C5orf63: variants seen among roughly 807,000 people sequenced by gnomAD.
C5orf63 encodes the protein chromosome 5 open reading frame 63.
C5orf63 carries 18 observed loss-of-function variants against 13.3 expected under a neutral mutation model. The ratio of observed to expected loss-of-function variants is 1.36; its 90% CI spans 0.94 to 2.01. The LOEUF (loss-of-function observed/expected upper bound fraction) is 2.01. Among genes scored for constraint, C5orf63 ranks in the 30% most tolerant of loss-of-function variants. The pLI, the probability that C5orf63 is intolerant of heterozygous loss-of-function variation, is 0.00. For synonymous variants in C5orf63, 38 were observed against 44.7 expected, an observed-to-expected ratio of 0.85 and a Z score of 0.60; for missense variants, 118 against 127.7, an observed-to-expected ratio of 0.92 and a Z score of 0.36.
chr5:127,066,398 A>T (rs1163378625), intron 2 of C5orf63, among the ~76,000 whole-genome samples: 2 of 152,154 alleles, frequency 1.3e-5, no homozygotes, highest in Non-Finnish European at 2.9e-5. Context: ...GTAGAAGGCT[A>T]CTGCATTAGT....
chr5:127,060,888 T>C (rs368263992), intron 2 of C5orf63, among the ~76,000 whole-genome samples: 2 of 152,208 alleles, frequency 1.3e-5, no homozygotes, highest in African/African-American at 4.8e-5. Context: ...TCAAAAATTA[T>C]TTATGTCCCC....
chr5:127,063,059 A>G (rs1049398904), intron 2 of C5orf63, among the ~76,000 whole-genome samples: 1 of 152,142 alleles, frequency 6.6e-6, no homozygotes, highest in African/African-American at 2.4e-5. Flanking sequence ...TGCTTAAAAC[A>G]AATTCCACAG....
At chr5:127,048,392 C>G (rs1211029967), downstream of C5orf63, among the ~76,000 whole-genome samples, 1 of 152,098 alleles carries the variant, frequency 6.6e-6, no homozygotes, top group African/African-American at 2.4e-5. Flanking sequence ...CCTGATTTCC[C>G]AGGAGAGTTA....
chr5:127,063,221 G>A (rs1399003192), intron 2 of C5orf63, among the ~76,000 whole-genome samples: 4 of 152,152 alleles, frequency 2.6e-5, no homozygotes, highest in African/African-American at 9.7e-5. Flanking sequence ...CAACATGGGA[G>A]CAGGACTGAC....
At chr5:127,067,783 A>T (rs1220105686) in intron 2 of C5orf63, among the ~76,000 whole-genome samples, 1 of 152,214 alleles carries the variant, frequency 6.6e-6, no homozygotes, top group Non-Finnish European at 1.5e-5. Context: ...GTCAAAAAAG[A>T]AGCCGCCTAG....
chr5:127,070,733 T>C (rs954835559), intron 2 of C5orf63, among the ~76,000 whole-genome samples: 2 of 152,180 alleles, frequency 1.3e-5, no homozygotes, highest in African/African-American at 4.8e-5. Flanking sequence ...ACTCTTCAAA[T>C]ATTTGCTAAA....
chr5:127,071,780 G>T (rs927062937), intron 1 of C5orf63, 95 bp from the exon 2 acceptor site: 3 of 152,148 alleles, frequency 2.0e-5, no homozygotes, highest in Admixed American at 6.5e-5. Context: ...TGCTATGTTT[G>T]AAACCCCAAG....
intron 2 of C5orf63, among the ~76,000 whole-genome samples, chr5:127,067,125 A>G (rs1238317959): frequency 1.3e-5 from 2 of 152,178 alleles, no homozygotes; most frequent in Non-Finnish European, 2.9e-5. Context: ...ATCTTAACTA[A>G]AAGGAGATCT....
chr5:127,071,792 C>T (rs1430147281), intron 1 of C5orf63, 107 bp from the exon 2 acceptor site: 1 of 152,118 alleles, frequency 6.6e-6, no homozygotes, highest in Non-Finnish European at 1.5e-5. Flanking sequence ...AACCCCAAGG[C>T]CTAGCATTAG....
chr5:127,050,437 GCTGGGACTATAGGCATGTACCACTGTA>G (rs1273996683), downstream of C5orf63, among the ~76,000 whole-genome samples: 1 of 151,928 alleles, frequency 6.6e-6, no homozygotes, highest in Non-Finnish European at 1.5e-5. Flanking sequence ...CTCTCAAGTA[GCTGGGACTATAGGCATGTACCACTGTA>G]CTCAGCTTAA....
chr5:127,047,500 G>A, downstream of C5orf63: 2 of 541,238 alleles, frequency 3.7e-6, no homozygotes, highest in Non-Finnish European at 6.5e-6. Context: ...AGGATTCCTA[G>A]TCACATGACC....
chr5:127,065,965 C>T (rs1754314756), intron 2 of C5orf63, among the ~76,000 whole-genome samples: 1 of 152,038 alleles, frequency 6.6e-6, no homozygotes, highest in South Asian at 2.1e-4. Flanking sequence ...TGTCAGGCCA[C>T]TTGAGATGGT....
chr5:127,047,117 G>A (rs1753536841), downstream of C5orf63: 1 of 152,622 alleles, frequency 6.6e-6, no homozygotes, highest in Non-Finnish European at 1.5e-5. Context: ...ATGTTATGAA[G>A]AGACATGTGG....
At chr5:127,068,167 G>T (rs1365360521) in intron 2 of C5orf63, among the ~76,000 whole-genome samples, 1 of 152,134 alleles carries the variant, frequency 6.6e-6, no homozygotes, top group Non-Finnish European at 1.5e-5. Context: ...AAGGAACTGT[G>T]CCTGGGGCTT....
downstream of C5orf63, among the ~76,000 whole-genome samples, chr5:127,049,493 C>T (rs1282169805): frequency 2.0e-5 from 3 of 152,200 alleles, no homozygotes; most frequent in Non-Finnish European, 4.4e-5. Context: ...CTACTTTTCC[C>T]ACCTGGTACC....
chr5:127,056,195 C>T (rs1448797692), intron 3 of C5orf63, among the ~76,000 whole-genome samples: 1 of 152,162 alleles, frequency 6.6e-6, no homozygotes, highest in Non-Finnish European at 1.5e-5. Context: ...ATCAGTGCAT[C>T]CTATCCCTCA....
Position 127,051,331 on chromosome 5 carries a change from C to T in C5orf63, c.*440G>A, listed in dbSNP as rs533488739. On this transcript the variant is annotated 3_prime_UTR_variant, in exon 5 of 5. Coordinates refer to ENST00000296662, the MANE Select transcript of C5orf63 (RefSeq NM_001164478.2). ...TTCCTTAAAACATCGCTTTATTGAC[C>T]GTGCACAGTTATTAACAATTCACAT... is the stretch of plus-strand genomic sequence containing the variant. 1.5e-5 allele frequency: 18 copies of T among 1,230,696 alleles called. No individual in the cohort carries two copies. The highest frequency in any genetic ancestry group is 9.3e-5 in the African/African-American group (6 of 64,480). 76.2% of individuals were successfully genotyped at this position (1,230,696 alleles called of 1,614,324 possible). A position where few individuals can be genotyped will look rare whatever the true frequency, so the allele number is the denominator to read the frequency against.
chr5:127,058,088 A>G (rs754694382), intron 3 of C5orf63, among the ~76,000 whole-genome samples: 1 of 152,012 alleles, frequency 6.6e-6, no homozygotes, highest in Non-Finnish European at 1.5e-5. Context: ...GTACATGTGC[A>G]GCTTTGTCAC....
In C5orf63 at chr5:127,051,731, CT is replaced by C; in HGVS notation, c.*39del. On this transcript the variant is annotated 3_prime_UTR_variant, in exon 5 of 5. Coordinates refer to ENST00000296662, the MANE Select transcript of C5orf63 (RefSeq NM_001164478.2). ...CCATGGTCATTTCCTTAGGAAGATG[CT>C]TTATGGGAAGAGAGGGTGGAAAATC... 6.9e-7 allele frequency: 1 copy of C among 1,457,272 alleles called. No individual in the cohort carries two copies. The highest frequency in any genetic ancestry group is 1.4e-5 in the South Asian group (1 of 69,800). 90.3% of individuals were successfully genotyped at this position (1,457,272 alleles called of 1,614,324 possible).
Sources: gnomAD v4.1 joint callset for allele counts (sites outside exome capture counted in the v4.1 genomes callset) on GRCh38, gnomAD v4.1.1 for gene constraint, MANE v1.5 for transcripts, NCBI Gene and HGNC (gene_info 2026-07-23, HGNC 2026-07-21) for gene names.